The following PIK3C2G variants were observed in gnomAD, a reference collection of about 807,000 sequenced individuals.
The protein encoded by PIK3C2G is phosphatidylinositol-4-phosphate 3-kinase catalytic subunit type 2 gamma.
Under a neutral mutation model 181.1 loss-of-function variants are expected in PIK3C2G, and 168 were observed. The ratio of observed to expected loss-of-function variants is 0.93; its 90% confidence interval spans 0.82 to 1.05. The LOEUF is 1.05. PIK3C2G is among the 50% of genes least tolerant of loss of function. The pLI is 0.00. For synonymous variants in PIK3C2G, 573 were observed against 592.2 expected (o/e 0.97, Z 0.47); for missense variants, 1,869 against 1,732.8 (o/e 1.08, Z -1.40).
intron 18 of PIK3C2G, among the ~76,000 whole-genome samples, chr12:18,461,802 G>C (rs894000841): frequency 2.0e-5 from 3 of 152,166 alleles, no homozygotes; most frequent in African/African-American, 7.2e-5. Flanking sequence ...CACAGACTCA[G>C]AACTGTGAAA....
Position 18,336,619 on chromosome 12 carries a change from T to G in PIK3C2G, c.1273-1807T>G, listed in dbSNP as rs1334296806. On this transcript the variant is annotated intron_variant, in intron 8 of 32. Transcript: ENST00000538779. ...TATTGACTTACATTGAGTTCACACA[T>G]AAGTGAAATAAATGATTTTTTTCCA... 2.6e-5 allele frequency among the ~76,000 whole-genome samples: 4 copies of G among 152,182 alleles called. No individual in the cohort carries two copies. The East Asian group carries it at 7.7e-4, about 29-fold the overall frequency.
At chr12:18,373,471 A>AT (rs1338312216) in intron 13 of PIK3C2G, among the ~76,000 whole-genome samples, 1 of 152,222 alleles carries the variant, frequency 6.6e-6, no homozygotes, top group Non-Finnish European at 1.5e-5. Flanking sequence ...ACTCAGATAA[A>AT]TCAGTTAGGG....
Position 18,444,030 on chromosome 12 carries a change from T to C in PIK3C2G, c.2504+19991T>C, listed in dbSNP as rs1356289322. Among the ~76,000 whole-genome samples the C allele has an allele frequency of 4.6e-5, 7 of 152,332 alleles. No individual in the cohort carries two copies. In the East Asian group the frequency reaches 1.4e-3, roughly 29 times the overall value. ...TATTTTATCTGGCAAGAAACAAATA[T>C]TGGCTTTCTTCTTGTCAATCAGAGA... On this transcript the variant is annotated intron_variant, in intron 18 of 32. Transcript: ENST00000538779.
intron 17 of PIK3C2G, among the ~76,000 whole-genome samples, chr12:18,422,679 T>G (rs182485570): frequency 6.6e-6 from 1 of 151,632 alleles, no homozygotes; most frequent in Admixed American, 6.6e-5. Flanking sequence ...GTGGACAGAG[T>G]AAAGCAGGAA....
intron 11 of PIK3C2G, among the ~76,000 whole-genome samples, chr12:18,352,431 T>C (rs1940306548): frequency 6.6e-6 from 1 of 152,076 alleles, no homozygotes; most frequent in East Asian, 1.9e-4. Context: ...TACAGGTGAG[T>C]GGGTGCAGGG....
chr12:18,261,460 A>G (rs1192953305), upstream of PIK3C2G: 1 of 152,106 alleles, frequency 6.6e-6, no homozygotes, highest in Non-Finnish European at 1.5e-5. Context: ...CAGGAATAAA[A>G]GCTTCCAGTG....
intron 18 of PIK3C2G, among the ~76,000 whole-genome samples, chr12:18,451,183 C>T (rs28811943): frequency 1.3e-5 from 2 of 152,140 alleles, no homozygotes; most frequent in African/African-American, 2.4e-5. Context: ...GCCATTTTCA[C>T]GATATTGATT....
chr12:18,413,041 T>A (rs1014439821), intron 16 of PIK3C2G, among the ~76,000 whole-genome samples: 2 of 152,178 alleles, frequency 1.3e-5, no homozygotes, highest in Non-Finnish European at 2.9e-5. Context: ...ACCTTCTGAG[T>A]TTTTAGCCAT....
intron 9 of PIK3C2G, among the ~76,000 whole-genome samples, chr12:18,342,404 C>A (rs11044034): frequency 3.3e-5 from 5 of 151,704 alleles, no homozygotes; most frequent in African/African-American, 7.3e-5. Flanking sequence ...TTTTTTGTTA[C>A]GGAAAAACAA....
chr12:18,512,643 T>C (rs1942283339), intron 24 of PIK3C2G, among the ~76,000 whole-genome samples: 1 of 151,990 alleles, frequency 6.6e-6, no homozygotes, highest in South Asian at 2.1e-4. Context: ...TGTATGTTTG[T>C]TTTGTGTCTT....
intron 29 of PIK3C2G, among the ~76,000 whole-genome samples, chr12:18,592,233 T>C (rs1246905895): frequency 6.6e-6 from 1 of 151,798 alleles, no homozygotes; most frequent in Non-Finnish European, 1.5e-5. Context: ...CCAGAAAGGA[T>C]ACATTAGAGT....
At chr12:18,408,458 T>G (rs967315370) in intron 16 of PIK3C2G, among the ~76,000 whole-genome samples, 4 of 152,166 alleles carry the variant, frequency 2.6e-5, no homozygotes, top group Admixed American at 2.6e-4. Flanking sequence ...CTGTTTTTAT[T>G]ATGGAAGCCT....
intron 18 of PIK3C2G, among the ~76,000 whole-genome samples, chr12:18,467,194 A>C (rs1937977943): frequency 1.3e-5 from 2 of 152,104 alleles, no homozygotes; most frequent in South Asian, 4.1e-4. Context: ...AACAAGTTAG[A>C]ACTATCTCAG....
the PIK3C2G span, among the ~76,000 whole-genome samples, chr12:18,721,187 A>C: frequency 6.6e-6 from 1 of 152,100 alleles, no homozygotes; most frequent in African/African-American, 2.4e-5. Context: ...TTGGTAATGG[A>C]ATAGAAAATA....
At chr12:18,619,452 A>C (rs867294742) in intron 31 of PIK3C2G, among the ~76,000 whole-genome samples, 38 of 152,180 alleles carry the variant, frequency 2.5e-4, no homozygotes, top group African/African-American at 8.9e-4. Flanking sequence ...CTTAAGACGG[A>C]AGCTAAGGCC....
At chr12:18,518,023 A>G (rs185963017) in intron 24 of PIK3C2G, among the ~76,000 whole-genome samples, 6 of 152,176 alleles carry the variant, frequency 3.9e-5, no homozygotes, top group Non-Finnish European at 7.4e-5. Flanking sequence ...TGTTTATATG[A>G]CGATGGATTA....
chr12:18,295,770 A>G (rs1949912087), intron 5 of PIK3C2G, among the ~76,000 whole-genome samples: 1 of 152,060 alleles, frequency 6.6e-6, no homozygotes, highest in Admixed American at 6.6e-5. Flanking sequence ...ATATTATTTA[A>G]GAGTAATAGC....
intron 16 of PIK3C2G, among the ~76,000 whole-genome samples, chr12:18,407,624 T>G (rs868499178): frequency 9.2e-5 from 14 of 152,256 alleles, no homozygotes; most frequent in Middle Eastern, 3.4e-3. Context: ...AAAACAACAG[T>G]TGTTATCACA....
At position 18,562,699 on chromosome 12, in the gene PIK3C2G, C is replaced by G. The variant is rs1003196713; in HGVS notation, c.3591-4C>G. The stretch of plus-strand genomic sequence containing the variant: ...TCACTATCTTTTCTTTTACATTTCT[C>G]TAGGAAAATAAAGGAAAGTCTGGAG... On this transcript the variant is annotated splice_region_variant and splice_polypyrimidine_tract_variant and intron_variant, in intron 26 of 32. Transcript: ENST00000538779. 2 of 1,543,804 alleles carry G rather than the reference C, an allele frequency of 1.3e-6. No individual in the cohort carries two copies. Among genetic ancestry groups the G allele is most frequent in the East Asian group, 2.3e-5 (1 of 43,824 alleles).
Sources: gnomAD v4.1 joint callset for allele counts (sites outside exome capture counted in the v4.1 genomes callset) on GRCh38, gnomAD v4.1.1 for gene constraint, MANE v1.5 for transcripts, NCBI Gene and HGNC (gene_info 2026-07-23, HGNC 2026-07-21) for gene names.